Variants in CLDN6 observed in about 807,000 individuals in gnomAD.
CLDN6 encodes claudin 6.
For synonymous variants in CLDN6, 144 were observed against 131.2 expected, an observed-to-expected ratio of 1.10 and a Z score of -0.67; for missense variants, 279 against 284.1, an observed-to-expected ratio of 0.98 and a Z score of 0.13.
chr16:3,015,686 A>C lies in CLDN6; in HGVS notation c.336T>G (p.Asp112Glu). Residue 112 changes from aspartate to glutamate, a missense_variant, in exon 2 of 2, where the codon GAT becomes GAG. Asp to Glu is a conservative substitution (Grantham distance 45). Coordinates refer to ENST00000328796, the MANE Select transcript of CLDN6 (RefSeq NM_021195.5). ...AGGTGAGCACCAGGCGGGCCTTGGAATCCTTCTCCTCCACACAGGTGGTAC... is the reference window on the plus strand; with the variant it reads ...AGGTGAGCACCAGGCGGGCCTTGGACTCCTTCTCCTCCACACAGGTGGTAC... ...AKCTTCVEEK[D>E]SKARLVLTSG... 1 of 1,613,672 alleles carries C rather than the reference A, an allele frequency of 6.2e-7. No individual in the cohort carries two copies. The highest frequency in any genetic ancestry group is 1.1e-5 in the South Asian group (1 of 91,084).
Position 3,015,279 on chromosome 16 carries a change from T to G in CLDN6, c.*80A>C. On this transcript the variant is annotated 3_prime_UTR_variant, in exon 2 of 2. Coordinates refer to ENST00000328796, the MANE Select transcript of CLDN6 (RefSeq NM_021195.5). ...AATAGCAGGAGGCAGAAACAAAAGG[T>G]ACGAACCCATCCCAAAGCTGTTGGG... is the stretch of plus-strand genomic sequence containing the variant. 7.9e-7 allele frequency: 1 copy of G among 1,268,524 alleles called. No individual in the cohort carries two copies. The highest frequency in any genetic ancestry group is 2.4e-5 in the East Asian group (1 of 42,142). The allele number at this position is 1,268,524 out of a possible 1,614,324, so 78.6% of individuals were successfully genotyped here.
chr16:3,016,077 C>G, intron 1 of CLDN6, 35 bp from the exon 2 acceptor site: 1 of 1,561,884 alleles, frequency 6.4e-7, no homozygotes, highest in Admixed American at 1.8e-5. Context: ...AAGGTGAGGC[C>G]TGGCAGGCCC....
Position 3,015,282 on chromosome 16 carries a change from G to T in CLDN6, c.*77C>A. 7.7e-7 allele frequency: 1 copy of T among 1,305,928 alleles called. No homozygotes were observed. The highest frequency in any genetic ancestry group is 1.1e-6 in the Non-Finnish European group (1 of 949,576). The allele number at this position is 1,305,928 out of a possible 1,614,324, so 80.9% of individuals were successfully genotyped here. On this transcript the variant is annotated 3_prime_UTR_variant, in exon 2 of 2. Coordinates refer to ENST00000328796, the MANE Select transcript of CLDN6 (RefSeq NM_021195.5). ...AGCAGGAGGCAGAAACAAAAGGTACGAACCCATCCCAAAGCTGTTGGGCAC... is the reference window on the plus strand; with the variant it reads ...AGCAGGAGGCAGAAACAAAAGGTACTAACCCATCCCAAAGCTGTTGGGCAC...
At chr16:3,017,869 GA>G (rs1255781444) in intron 1 of CLDN6, among the ~76,000 whole-genome samples, 4 of 151,642 alleles carry the variant, frequency 2.6e-5, no homozygotes, top group Admixed American at 6.6e-5. Flanking sequence ...GGGGAGGGGG[GA>G]GGGGCGCCCC....
intron 1 of CLDN6, 121 bp downstream of exon 1, chr16:3,018,028 G>C (rs930993693): frequency 6.6e-6 from 1 of 152,170 alleles, no homozygotes; most frequent in Non-Finnish European, 1.5e-5. Flanking sequence ...GACCCCCTCA[G>C]GGACTCGCCC....
Position 3,015,481 on chromosome 16 carries a change from G to A in CLDN6, c.541C>T (p.Leu181=), listed in dbSNP as rs779646507. ...SGLLLLGGGL[L]CCTCPSGGSQ... ...CCCCCCGAGGGGCAAGTGCAGCACAGCAACCCCCCACCCAGCAACAAAAGG... is the reference window on the plus strand; with the variant it reads ...CCCCCCGAGGGGCAAGTGCAGCACAACAACCCCCCACCCAGCAACAAAAGG... The change falls in exon 2 of 2, where the codon CTG becomes TTG. Residue 181 remains leucine (L), a synonymous_variant. Coordinates refer to ENST00000328796, the MANE Select transcript of CLDN6 (RefSeq NM_021195.5). 1 of 1,607,094 alleles carries A rather than the reference G, an allele frequency of 6.2e-7. No homozygotes were observed. Among genetic ancestry groups the A allele is most frequent in the Non-Finnish European group, 8.5e-7 (1 of 1,176,530 alleles).
In CLDN6 at chr16:3,018,153, G is replaced by A. The variant is rs2072579860; in HGVS notation, c.-26C>T. 6.6e-6 allele frequency: 1 copy of A among 152,296 alleles called. No homozygotes were observed. The highest frequency in any genetic ancestry group is 6.5e-5 in the Admixed American group (1 of 15,286). 9.4% of individuals were successfully genotyped at this position (152,296 alleles called of 1,614,324 possible). ...GCACACTAGCCCCGGACTCACCTGC[G>A]AAGGAGATAAGGGAAATTCCTAGGC... On this transcript the variant is annotated 5_prime_UTR_variant, in exon 1 of 2. Transcript: ENST00000328796.
At chr16:3,016,155 G>C (rs2072566160) in intron 1 of CLDN6, 113 bp from the exon 2 acceptor site, 4 of 956,400 alleles carry the variant, frequency 4.2e-6, no homozygotes, top group Non-Finnish European at 6.1e-6. Context: ...TCACATCCTG[G>C]AACTCAGTCA....
rs556534670 is a variant in CLDN6 at position 3,015,486 on chromosome 16, C to G, written c.536G>C (p.Gly179Ala). 17 of 1,608,806 alleles carry G rather than the reference C, an allele frequency of 1.1e-5. No individual in the cohort carries two copies. The East Asian group carries it at 3.6e-4, about 34-fold the overall frequency. Reference sequence around the variant, plus strand: ...CGAGGGGCAAGTGCAGCACAGCAACCCCCCACCCAGCAACAAAAGGCCTGA... The same window carrying G: ...CGAGGGGCAAGTGCAGCACAGCAACGCCCCACCCAGCAACAAAAGGCCTGA... ...AASGLLLLGG[G>A]LLCCTCPSGG... Residue 179 changes from glycine to alanine, a missense_variant, in exon 2 of 2, where the codon GGG becomes GCG. Gly to Ala is a moderately conservative substitution (Grantham distance 60, BLOSUM62 0). Coordinates refer to ENST00000328796, the MANE Select transcript of CLDN6 (RefSeq NM_021195.5).
rs748579194 is a variant in CLDN6, at chr16:3,015,798, T to C, written c.224A>G (p.Gln75Arg). ...KVYDSLLALP[Q>R]DLQAARALCV... ...GAGGGCACGTGCAGCCTGCAGGTCC[T>C]GTGGCAGCGCCAGCAGTGAGTCGTA... The change falls in exon 2 of 2, where the codon CAG becomes CGG. Residue 75 changes from glutamine to arginine, a missense_variant. Coordinates refer to ENST00000328796, the MANE Select transcript of CLDN6 (RefSeq NM_021195.5). The C allele has an allele frequency of 1.2e-6, 2 of 1,614,074 alleles. No individual in the cohort carries two copies. The highest frequency in any genetic ancestry group is 1.7e-6 in the Non-Finnish European group (2 of 1,180,048).
At chr16:3,017,296 C>T (rs578035695) in intron 1 of CLDN6, among the ~76,000 whole-genome samples, 1 of 152,220 alleles carries the variant, frequency 6.6e-6, no homozygotes, top group South Asian at 2.1e-4. Context: ...CTGCCCTAGG[C>T]GCCGGAGAGC....
chr16:3,017,385 C>T (rs1420309288), intron 1 of CLDN6, among the ~76,000 whole-genome samples: 1 of 152,344 alleles, frequency 6.6e-6, no homozygotes, highest in Non-Finnish European at 1.5e-5. Context: ...CACCAGTTCT[C>T]CCACCGCCAC....
chr16:3,015,183 T>C lies in CLDN6; in HGVS notation c.*176A>G, dbSNP rs1311597389. On this transcript the variant is annotated 3_prime_UTR_variant, in exon 2 of 2. Transcript: ENST00000328796. Reference sequence around the variant, plus strand: ...TCCAAGGGTGAGAAACAGCAGAGCCTAAGTGAGAGTCTGAGTCAACACCTT... The same window carrying C: ...TCCAAGGGTGAGAAACAGCAGAGCCCAAGTGAGAGTCTGAGTCAACACCTT... 1.8e-6 allele frequency: 1 copy of C among 545,626 alleles called. No individual in the cohort carries two copies. The highest frequency in any genetic ancestry group is 1.9e-5 in the African/African-American group (1 of 52,786). The allele number at this position is 545,626 out of a possible 1,614,324, so 33.8% of individuals were successfully genotyped here.
rs751035245 is a variant in CLDN6, at chr16:3,015,125, G to A, written c.*234C>T. 2 of 454,726 alleles carry A rather than the reference G, an allele frequency of 4.4e-6. No individual in the cohort carries two copies. The highest frequency in any genetic ancestry group is 6.1e-5 in the South Asian group (1 of 16,392). The allele number at this position is 454,726 out of a possible 1,614,324, so 28.2% of individuals were successfully genotyped here. Reference sequence around the variant, plus strand: ...TCTAAGATGGGCATGTCAAGATCCAGAATCTCAAAGCATCCCCTCTTTGGC... The same window carrying A: ...TCTAAGATGGGCATGTCAAGATCCAAAATCTCAAAGCATCCCCTCTTTGGC... On this transcript the variant is annotated 3_prime_UTR_variant, in exon 2 of 2. Transcript: ENST00000328796.
rs1358355982 is a variant in CLDN6 at position 3,014,788 on chromosome 16, G to A, written c.*571C>T. 3 of 250,282 alleles carry A rather than the reference G, an allele frequency of 1.2e-5. No homozygotes were observed. The highest frequency in any genetic ancestry group is 2.3e-5 in the African/African-American group (1 of 44,146). 15.5% of individuals were successfully genotyped at this position (250,282 alleles called of 1,614,324 possible). A position where few individuals can be genotyped will look rare whatever the true frequency, so the allele number is the denominator to read the frequency against. ...GAGACGAGGGGGGCAGGGCAGAAGG[G>A]TGCAGTGTTGGAGGTGGGGGCGGGG... is the stretch of plus-strand genomic sequence containing the variant. On this transcript the variant is annotated 3_prime_UTR_variant, in exon 2 of 2. Coordinates refer to ENST00000328796, the MANE Select transcript of CLDN6 (RefSeq NM_021195.5).
chr16:3,014,808 G>T lies in CLDN6; in HGVS notation c.*551C>A, dbSNP rs569956421. On this transcript the variant is annotated 3_prime_UTR_variant, in exon 2 of 2. Transcript: ENST00000328796. ...GAAGGGTGCAGTGTTGGAGGTGGGGGCGGGGGTCTACATAGCTGGGACCTG... is the reference window on the plus strand; with the variant it reads ...GAAGGGTGCAGTGTTGGAGGTGGGGTCGGGGGTCTACATAGCTGGGACCTG... 1.1e-5 allele frequency: 3 copies of T among 273,124 alleles called. No homozygotes were observed. The highest frequency in any genetic ancestry group is 4.4e-5 in the African/African-American group (2 of 45,418). 16.9% of individuals were successfully genotyped at this position (273,124 alleles called of 1,614,324 possible).
Position 3,015,978 on chromosome 16 carries a change from A to C in CLDN6, c.44T>G (p.Leu15Arg), listed in dbSNP as rs2072564799. ...GMQILGVVLTLLGWVNGLVSC... is the reference protein window; with the variant it reads ...GMQILGVVLTRLGWVNGLVSC... ...GACCAGGCCATTCACCCAGCCCAGC[A>C]GTGTCAGGACGACTCCCAGGATCTG... The change falls in exon 2 of 2, where the codon CTG (leucine) becomes CGG (arginine). Residue 15 changes from leucine to arginine, a missense_variant. Coordinates refer to ENST00000328796, the MANE Select transcript of CLDN6 (RefSeq NM_021195.5). 1.9e-6 allele frequency: 3 copies of C among 1,614,080 alleles called. No homozygotes were observed. The highest frequency in any genetic ancestry group is 3.3e-5 in the Admixed American group (2 of 60,010).
rs1246612358 is a variant in CLDN6, at chr16:3,015,971, G to A, written c.51C>T (p.Gly17=). The A allele has an allele frequency of 6.2e-7, 1 of 1,614,088 alleles. No homozygotes were observed. The highest frequency in any genetic ancestry group is 8.5e-7 in the Non-Finnish European group (1 of 1,180,046). The change falls in exon 2 of 2, where the codon GGC becomes GGT. Residue 17 remains glycine, a synonymous_variant. Transcript: ENST00000328796. Reference sequence around the variant, plus strand: ...CACAGGAGACCAGGCCATTCACCCAGCCCAGCAGTGTCAGGACGACTCCCA... The same window carrying A: ...CACAGGAGACCAGGCCATTCACCCAACCCAGCAGTGTCAGGACGACTCCCA... The part of the protein sequence containing the change: ...QILGVVLTLL[G]WVNGLVSCAL...
rs1396568700 is a variant in CLDN6 at position 3,018,172 on chromosome 16, C to T, written c.-45G>A. ...ACCTGCGAAGGAGATAAGGGAAATTCCTAGGCCGAGTGTCGGGACAGGGGC... is the reference window on the plus strand; with the variant it reads ...ACCTGCGAAGGAGATAAGGGAAATTTCTAGGCCGAGTGTCGGGACAGGGGC... On this transcript the variant is annotated 5_prime_UTR_variant, in exon 1 of 2. Transcript: ENST00000328796. 6.6e-6 allele frequency: 1 copy of T among 152,316 alleles called. No homozygotes were observed. The highest frequency in any genetic ancestry group is 1.5e-5 in the Non-Finnish European group (1 of 68,092). 9.4% of individuals were successfully genotyped at this position (152,316 alleles called of 1,614,324 possible). A position where few individuals can be genotyped will look rare whatever the true frequency, so the allele number is the denominator to read the frequency against.
Sources: allele counts gnomAD v4.1 joint callset (sites outside exome capture counted in the v4.1 genomes callset), GRCh38; gene constraint gnomAD v4.1.1; transcripts MANE v1.5; gene names NCBI Gene and HGNC (gene_info 2026-07-23, HGNC 2026-07-21).